PXDNL: variants seen among roughly 807,000 people sequenced by gnomAD.
PXDNL encodes the protein probable oxidoreductase PXDNL.
In PXDNL, 145 loss-of-function variants were observed where a neutral mutation model predicts 150.8. The ratio of observed to expected loss-of-function variants is 0.96; its 90% CI spans 0.84 to 1.10. The LOEUF (loss-of-function observed/expected upper bound fraction) is 1.10. Among genes scored for constraint, PXDNL ranks in the 50% least tolerant of loss-of-function variants. The pLI is 0.00. For synonymous variants in PXDNL, 757 were observed against 725.7 expected (o/e 1.04, Z -0.69); for missense variants, 2,087 against 1,873.9 (o/e 1.11, Z -2.10).
intron 2 of PXDNL, among the ~76,000 whole-genome samples, chr8:51,629,392 GAAGAA>G (rs1277817259): frequency 1.3e-5 from 2 of 151,760 alleles, no homozygotes; most frequent in African/African-American, 4.8e-5. Flanking sequence ...TAAAAAGAAT[GAAGAA>G]AAATGAACAG....
intron 19 of PXDNL, among the ~76,000 whole-genome samples, chr8:51,367,440 G>A (rs1341637376): frequency 6.6e-6 from 1 of 152,184 alleles, no homozygotes; most frequent in Non-Finnish European, 1.5e-5. Flanking sequence ...ATTGCTGGTG[G>A]GGAAATAAAG....
At chr8:51,667,351 A>T (rs1036859586) in intron 1 of PXDNL, among the ~76,000 whole-genome samples, 54 of 152,120 alleles carry the variant, frequency 3.5e-4, no homozygotes, top group African/African-American at 1.2e-3. Flanking sequence ...GTTCCAACAA[A>T]ATCTACCTTT....
chr8:51,326,225 C>T (rs184151461), intron 21 of PXDNL, among the ~76,000 whole-genome samples: 9 of 152,246 alleles, frequency 5.9e-5, no homozygotes, highest in South Asian at 2.1e-4. Flanking sequence ...CGTCTGTGTG[C>T]GGTGGCTCAT....
At chr8:51,624,816 A>G (rs1187934752) in intron 2 of PXDNL, among the ~76,000 whole-genome samples, 1 of 151,580 alleles carries the variant, frequency 6.6e-6, no homozygotes, top group Non-Finnish European at 1.5e-5. Context: ...CATATCAAAC[A>G]TGAATCTGCA....
intron 12 of PXDNL, among the ~76,000 whole-genome samples, chr8:51,441,362 A>T (rs1173807365): frequency 6.6e-6 from 1 of 152,182 alleles, no homozygotes; most frequent in African/African-American, 2.4e-5. Context: ...TTTCTTGTAT[A>T]TGGAGAAGAG....
intron 19 of PXDNL, among the ~76,000 whole-genome samples, 173 bp downstream of exon 19, chr8:51,371,700 C>G (rs183420021): frequency 6.6e-6 from 1 of 152,286 alleles, no homozygotes; most frequent in African/African-American, 2.4e-5. Context: ...GGTTGGGAGC[C>G]TTTTTCCTGG....
chr8:51,405,725 C>T (rs137857225), intron 17 of PXDNL, among the ~76,000 whole-genome samples: 155 of 152,228 alleles, frequency 1.0e-3, no homozygotes, highest in African/African-American at 3.1e-3. Flanking sequence ...ACAAATTTGC[C>T]GTTAATGAAA....
chr8:51,463,535 G>T (rs1388367346), intron 8 of PXDNL, among the ~76,000 whole-genome samples: 2 of 152,032 alleles, frequency 1.3e-5, no homozygotes, highest in Admixed American at 6.6e-5. Flanking sequence ...ACAAATAAGG[G>T]CACTACATAA....
intron 1 of PXDNL, among the ~76,000 whole-genome samples, chr8:51,731,749 C>T (rs555386419): frequency 3.9e-5 from 6 of 152,338 alleles, no homozygotes; most frequent in African/African-American, 1.4e-4. Flanking sequence ...GACTCACATG[C>T]TCAACACCAT....
At chr8:51,733,056 AAATTCT>A (rs1199702294) in intron 1 of PXDNL, among the ~76,000 whole-genome samples, 2 of 152,208 alleles carry the variant, frequency 1.3e-5, no homozygotes, top group Non-Finnish European at 2.9e-5. Context: ...GTAAGAGTCT[AAATTCT>A]GTTTGTCTGC....
At chr8:51,480,488 A>T (rs1810576464) in intron 6 of PXDNL, among the ~76,000 whole-genome samples, 1 of 152,196 alleles carries the variant, frequency 6.6e-6, no homozygotes, top group Non-Finnish European at 1.5e-5. Flanking sequence ...GACAGCACCC[A>T]GCCAGGAAGG....
At chr8:51,546,499 C>T (rs1200240418) in intron 4 of PXDNL, among the ~76,000 whole-genome samples, 1 of 152,168 alleles carries the variant, frequency 6.6e-6, no homozygotes, top group Non-Finnish European at 1.5e-5. Context: ...CTAGCCTTAC[C>T]TCACAGAGGT....
intron 4 of PXDNL, among the ~76,000 whole-genome samples, chr8:51,501,164 T>C (rs1418328049): frequency 6.6e-6 from 1 of 152,232 alleles, no homozygotes; most frequent in Non-Finnish European, 1.5e-5. Flanking sequence ...GTTCTGTTCA[T>C]TTTAAAAGTG....
At chr8:51,548,290 T>C (rs184798887) in intron 4 of PXDNL, among the ~76,000 whole-genome samples, 2 of 152,272 alleles carry the variant, frequency 1.3e-5, no homozygotes, top group East Asian at 3.9e-4. Context: ...AAGGAAATCT[T>C]CCCTGAACTT....
chr8:51,707,596 A>AACAAAACAGTTAAT lies in PXDNL; in HGVS notation c.165-52837_165-52836insATTAACTGTTTTGT, dbSNP rs1816408122. The stretch of plus-strand genomic sequence containing the variant: ...CAATTCTGTTTTGTTAACCGCAGAT[A>AACAAAACAGTTAAT]CTGTTCTGCAAAACACATCTCTAGA... On this transcript the variant is annotated intron_variant, in intron 1 of 22. Transcript: ENST00000356297. Among the ~76,000 whole-genome samples, 3 of 152,218 alleles carry AACAAAACAGTTAAT rather than the reference A, an allele frequency of 2.0e-5. No homozygotes were observed. In the East Asian group the frequency reaches 5.8e-4, roughly 29 times the overall value.
chr8:51,498,453 AAATT>A (rs1811108074), intron 5 of PXDNL, among the ~76,000 whole-genome samples: 1 of 142,598 alleles, frequency 7.0e-6, no homozygotes, highest in Non-Finnish European at 1.5e-5. Context: ...ATAAATAAAT[AAATT>A]TATTAATATA....
At chr8:51,392,214 T>C (rs920085052) in intron 17 of PXDNL, among the ~76,000 whole-genome samples, 3 of 152,256 alleles carry the variant, frequency 2.0e-5, no homozygotes, top group Non-Finnish European at 2.9e-5. Context: ...ATTGACTTGG[T>C]GATGTGGGCT....
In PXDNL at chr8:51,529,720, G is replaced by T. The variant is rs983906486; in HGVS notation, c.380+27120C>A. Among the ~76,000 whole-genome samples the T allele has an allele frequency of 2.6e-5, 4 of 152,178 alleles. No individual in the cohort carries two copies. In the South Asian group the frequency reaches 8.3e-4, roughly 32 times the overall value. On this transcript the variant is annotated intron_variant, in intron 4 of 22. Transcript: ENST00000356297. ...TCCAGATGCACACAGCCAGCTACCT[G>T]CCCCTAAACATCTGATAGCCACCTG...
chr8:51,571,421 T>C (rs1395938235), intron 3 of PXDNL, among the ~76,000 whole-genome samples: 1 of 151,908 alleles, frequency 6.6e-6, no homozygotes, highest in Non-Finnish European at 1.5e-5. Flanking sequence ...AATTTTATGT[T>C]GACATGTTTC....
Sources: allele counts gnomAD v4.1 joint callset (sites outside exome capture counted in the v4.1 genomes callset), GRCh38; gene constraint gnomAD v4.1.1; transcripts MANE v1.5; gene names NCBI Gene and HGNC (gene_info 2026-07-23, HGNC 2026-07-21).